The following BACE2 variants were observed in gnomAD, a reference collection of about 807,000 sequenced individuals.
BACE2 encodes 56 kDa aspartic-like protease.
A neutral mutation model predicts 46.2 loss-of-function variants in BACE2; 17 were observed. The observed-to-expected ratio is 0.37, with a 90% CI of 0.25 to 0.55. The LOEUF (loss-of-function observed/expected upper bound fraction) is 0.55. Among genes scored for constraint, BACE2 ranks in the 20% least tolerant of loss-of-function variants. BACE2 has a pLI of 0.82. For missense variants in BACE2, 595 were observed against 698.1 expected, an observed-to-expected ratio of 0.85 and a Z score of 1.66; for synonymous variants, 277 against 295.9, an observed-to-expected ratio of 0.94 and a Z score of 0.66.
intron 1 of BACE2, among the ~76,000 whole-genome samples, chr21:41,205,502 T>C (rs570506118): frequency 6.6e-6 from 1 of 152,218 alleles, no homozygotes; most frequent in Non-Finnish European, 1.5e-5. Flanking sequence ...TGATTATTAT[T>C]CCGTCATCTT....
At position 41,181,813 on chromosome 21, in the gene BACE2, C is replaced by T. The variant is rs151027540; in HGVS notation, c.312+13238C>T. On this transcript the variant is annotated intron_variant, in intron 1 of 8. Coordinates refer to ENST00000330333, the MANE Select transcript of BACE2 (RefSeq NM_012105.5). ...TGGTCCTGAGATTTTCCAGATAGGT[C>T]GGAAGATGAAACTGTCTATCCTGGG... 3.2e-3 allele frequency: 531 copies of T among 167,048 alleles called. 2 individuals carry two copies. The highest frequency in any genetic ancestry group is 6.1e-3 in the Non-Finnish European group (418 of 68,100). 10.3% of individuals were successfully genotyped at this position (167,048 alleles called of 1,614,324 possible). A position where few individuals can be genotyped will look rare whatever the true frequency, so the allele number is the denominator to read the frequency against.
chr21:41,181,100 G>A (rs140968614), intron 1 of BACE2: 90 of 167,216 alleles, frequency 5.4e-4, no homozygotes, highest in African/African-American at 2.0e-3. Flanking sequence ...GGTCCTAGGC[G>A]TTATAGATTG....
intron 6 of BACE2, among the ~76,000 whole-genome samples, chr21:41,249,895 A>C (rs1164251393): frequency 2.0e-5 from 3 of 152,148 alleles, no homozygotes; most frequent in Non-Finnish European, 4.4e-5. Context: ...GGCAGATGCT[A>C]CCTTCCTTCC....
At chr21:41,182,708 G>A (rs73902945) in intron 1 of BACE2, 113 of 167,136 alleles carry the variant, frequency 6.8e-4, no homozygotes, top group African/African-American at 1.6e-3. Flanking sequence ...CTCATGCACT[G>A]TGCAGATGAC....
At chr21:41,208,544 A>G (rs141272653) in intron 1 of BACE2, among the ~76,000 whole-genome samples, 12 of 152,286 alleles carry the variant, frequency 7.9e-5, no homozygotes, top group Admixed American at 3.3e-4. Context: ...TAAGGAGTCC[A>G]TTCGAGGGAG....
In BACE2 at chr21:41,237,614, G is replaced by T. The variant is rs369727104; in HGVS notation, c.503G>T (p.Gly168Val). Residue 168 changes from glycine to valine, a missense_variant, in exon 3 of 9, where the codon GGC (glycine) becomes GTC (valine). Transcript: ENST00000330333. ...GAAGACCTCGTCACCATCCCCAAAGGCTTCAATACTTCTTTTCTTGTCAAC... is the reference window on the plus strand; with the variant it reads ...GAAGACCTCGTCACCATCCCCAAAGTCTTCAATACTTCTTTTCTTGTCAAC... Reference protein sequence around the residue: ...VGEDLVTIPKGFNTSFLVNIA... With the variant: ...VGEDLVTIPKVFNTSFLVNIA... 17 of 1,614,010 alleles carry T rather than the reference G, an allele frequency of 1.1e-5. No individual in the cohort carries two copies. Among genetic ancestry groups the T allele is most frequent in the East Asian group, 2.2e-5 (1 of 44,898 alleles).
chr21:41,200,411 A>T (rs1175394055), intron 1 of BACE2, among the ~76,000 whole-genome samples: 2 of 152,170 alleles, frequency 1.3e-5, no homozygotes, highest in Non-Finnish European at 2.9e-5. Flanking sequence ...CTTAGAAGCC[A>T]AGCGAATGTG....
chr21:41,242,884 T>A (rs570578196), intron 4 of BACE2, among the ~76,000 whole-genome samples: 1 of 152,212 alleles, frequency 6.6e-6, no homozygotes, highest in East Asian at 1.9e-4. Context: ...ACCCATAAAA[T>A]TCCTTGTTTT....
At chr21:41,184,976 C>T (rs1601247743) in intron 1 of BACE2, 2 of 167,074 alleles carry the variant, frequency 1.2e-5, no homozygotes. Flanking sequence ...TGTATTTAAC[C>T]CAAATGGTGT....
intron 5 of BACE2, 26 bp from the exon 6 acceptor site, chr21:41,245,936 C>T (rs1476129024): frequency 6.4e-7 from 1 of 1,573,400 alleles, no homozygotes; most frequent in Non-Finnish European, 8.7e-7. Context: ...CACTCACGCA[C>T]CTTTCCCTTT....
intron 8 of BACE2, among the ~76,000 whole-genome samples, chr21:41,272,768 C>G (rs1342499356): frequency 1.3e-5 from 2 of 152,152 alleles, no homozygotes; most frequent in African/African-American, 4.8e-5. Context: ...CCATTTCTTA[C>G]TAAGTTCCAA....
Position 41,168,362 on chromosome 21 carries a change from C to G in BACE2, c.99C>G (p.Leu33=), listed in dbSNP as rs552342712. Residue 33 remains leucine, a synonymous_variant, in exon 1 of 9, where the codon CTC becomes CTG. Transcript: ENST00000330333. ...CCCCCGCGCCCTTCACGCTGCCCCT[C>G]CGGGTGGCCGCGGCCACGAACCGCG... ...ELAPAPFTLP[L]RVAAATNRVV... 624 of 1,392,886 alleles carry G rather than the reference C, an allele frequency of 4.5e-4. 1 individual carries two copies. The African/African-American group carries it at 7.9e-3, about 18-fold the overall frequency. The allele number at this position is 1,392,886 out of a possible 1,614,324, so 86.3% of individuals were successfully genotyped here.
intron 8 of BACE2, among the ~76,000 whole-genome samples, chr21:41,269,206 G>A (rs1457449635): frequency 5.3e-5 from 8 of 151,864 alleles, no homozygotes; most frequent in Admixed American, 1.3e-4. Flanking sequence ...TACCTGCCTC[G>A]GCCTCCCAAA....
At chr21:41,266,380 T>C (rs891006991) in intron 8 of BACE2, among the ~76,000 whole-genome samples, 1 of 152,244 alleles carries the variant, frequency 6.6e-6, no homozygotes, top group African/African-American at 2.4e-5. Context: ...AATTTTTTGT[T>C]GTGAGCTTAT....
At chr21:41,243,734 G>A (rs1987373044) in intron 5 of BACE2, among the ~76,000 whole-genome samples, 1 of 152,032 alleles carries the variant, frequency 6.6e-6, no homozygotes, top group African/African-American at 2.4e-5. Context: ...ATCTTCATAG[G>A]GCAAAATTAC....
intron 8 of BACE2, among the ~76,000 whole-genome samples, chr21:41,263,155 T>C (rs1219153380): frequency 6.6e-6 from 1 of 152,200 alleles, no homozygotes; most frequent in Non-Finnish European, 1.5e-5. Flanking sequence ...TTCCAGTTTC[T>C]GAAAAGTATT....
At chr21:41,221,211 G>A (rs916578047) in intron 1 of BACE2, among the ~76,000 whole-genome samples, 1 of 152,170 alleles carries the variant, frequency 6.6e-6, no homozygotes, top group African/African-American at 2.4e-5. Flanking sequence ...CTTTTCGTTT[G>A]AGAAAACACA....
At chr21:41,217,716 C>G (rs1244835912) in intron 1 of BACE2, among the ~76,000 whole-genome samples, 1 of 152,250 alleles carries the variant, frequency 6.6e-6, no homozygotes. Flanking sequence ...GGCTTTTGCT[C>G]TTGTGATAAT....
chr21:41,208,999 C>G (rs73902955), intron 1 of BACE2, among the ~76,000 whole-genome samples: 1,843 of 152,268 alleles, frequency 0.012, 33 homozygotes, highest in African/African-American at 0.043. Context: ...GGAACGTTGC[C>G]CTCTTGCAGC....
Sources: allele counts gnomAD v4.1 joint callset (sites outside exome capture counted in the v4.1 genomes callset), GRCh38; gene constraint gnomAD v4.1.1; transcripts MANE v1.5; gene names NCBI Gene and HGNC (gene_info 2026-07-23, HGNC 2026-07-21).